Variants in CLVS1 observed in about 807,000 individuals in gnomAD.
CLVS1 encodes clavesin-1.
CLVS1 carries 10 observed loss-of-function variants against 33.1 expected under a neutral mutation model. The ratio of observed to expected loss-of-function variants is 0.30; its 90% CI spans 0.19 to 0.51. CLVS1 has a LOEUF of 0.51. Ranked by LOEUF, CLVS1 falls within the 20% of genes least tolerant of loss-of-function variation. The pLI, the probability that CLVS1 is intolerant of heterozygous loss-of-function variation, is 0.97. For synonymous variants in CLVS1, 163 were observed against 166.1 expected, an observed-to-expected ratio of 0.98 and a Z score of 0.14; for missense variants, 343 against 433.4, an observed-to-expected ratio of 0.79 and a Z score of 1.85.
chr8:61,275,712 A>G lies in CLVS1; in HGVS notation c.-151-23965A>G, dbSNP rs192225179. On this transcript the variant is annotated intron_variant, in intron 2 of 2. Transcript: ENST00000522621. ...TTTCGCGCAATGAAGAAAACAACCA[A>G]TAAAAACCAATTTGATTATAGCATT... 2.8e-4 allele frequency among the ~76,000 whole-genome samples: 43 copies of G among 152,308 alleles called. No homozygotes were observed. The East Asian group carries it at 3.3e-3, about 12-fold the overall frequency.
chr8:61,156,441 C>CTG (rs1238329075), intron 2 of CLVS1, among the ~76,000 whole-genome samples: 1 of 151,964 alleles, frequency 6.6e-6, no homozygotes, highest in Non-Finnish European at 1.5e-5. Flanking sequence ...TTCTATTAGT[C>CTG]TGTCTTTTGT....
Position 61,172,312 on chromosome 8 carries a change from G to A in CLVS1, c.-152+40452G>A, listed in dbSNP as rs1031784436. On this transcript the variant is annotated intron_variant, in intron 2 of 2. Transcript: ENST00000522621. ...CATCAAAAGAAGACTTTATTTGGGG[G>A]AAAGGTCCTTAGTTTGGTGTTGAAT... Among the ~76,000 whole-genome samples, 5 of 152,116 alleles carry A rather than the reference G, an allele frequency of 3.3e-5. No individual in the cohort carries two copies. In the South Asian group the frequency reaches 8.3e-4, roughly 25 times the overall value.
intron 2 of CLVS1, among the ~76,000 whole-genome samples, chr8:61,241,246 C>A (rs1244340070): frequency 6.6e-6 from 1 of 152,104 alleles, no homozygotes; most frequent in African/African-American, 2.4e-5. Context: ...ATTATGAATT[C>A]TTATGAATGA....
intron 2 of CLVS1, among the ~76,000 whole-genome samples, chr8:61,237,318 C>T (rs937562745): frequency 5.9e-5 from 9 of 152,060 alleles, no homozygotes; most frequent in African/African-American, 1.2e-4. Context: ...CATGGTGGTA[C>T]GTACCTGTAG....
rs541600219 is a variant in CLVS1, at chr8:61,462,461, T to A, written c.977+3919T>A. Among the ~76,000 whole-genome samples the A allele has an allele frequency of 4.5e-4, 68 of 152,322 alleles. 1 individual carries two copies. The highest frequency in any genetic ancestry group is 1.5e-3 in the African/African-American group (61 of 41,568). On this transcript the variant is annotated intron_variant, in intron 5 of 5. Transcript: ENST00000325897. ...GTGCAATGGCATGATCTCATCTCAC[T>A]GCAACCTCTGCCTCCCACGTTCAAG...
chr8:61,311,280 T>C (rs1810823304), intron 2 of CLVS1, among the ~76,000 whole-genome samples: 1 of 152,240 alleles, frequency 6.6e-6, no homozygotes, highest in Non-Finnish European at 1.5e-5. Flanking sequence ...GCCATGTGTG[T>C]CAACCAAATA....
At chr8:61,387,744 C>G (rs557709579) in intron 3 of CLVS1, among the ~76,000 whole-genome samples, 7 of 152,252 alleles carry the variant, frequency 4.6e-5, no homozygotes, top group African/African-American at 1.7e-4. Flanking sequence ...GCTTTCCATT[C>G]CTGAGTTAGT....
At chr8:61,051,052 G>A in the CLVS1 span, among the ~76,000 whole-genome samples, 1 of 152,138 alleles carries the variant, frequency 6.6e-6, no homozygotes, top group African/African-American at 2.4e-5. Context: ...AAGAGCAAGG[G>A]GTGAAATAAA....
the CLVS1 span, among the ~76,000 whole-genome samples, chr8:61,018,489 G>A: frequency 6.6e-6 from 1 of 152,210 alleles, no homozygotes; most frequent in Non-Finnish European, 1.5e-5. Context: ...GGATGGCAGA[G>A]GGAACAGTGT....
intron 4 of CLVS1, among the ~76,000 whole-genome samples, chr8:61,458,025 A>G (rs1200168664): frequency 6.6e-6 from 1 of 152,252 alleles, no homozygotes; most frequent in Non-Finnish European, 1.5e-5. Flanking sequence ...ACCAGCAGGG[A>G]TAATTAGGAG....
intron 2 of CLVS1, among the ~76,000 whole-genome samples, chr8:61,150,120 G>T (rs1563421702): frequency 1.3e-5 from 2 of 151,964 alleles, no homozygotes; most frequent in African/African-American, 4.8e-5. Flanking sequence ...GTGTGTGTGT[G>T]TGTGTGTGAC....
intron 1 of CLVS1, among the ~76,000 whole-genome samples, chr8:61,127,082 C>T (rs112736992): frequency 9.0e-4 from 137 of 152,206 alleles, no homozygotes; most frequent in African/African-American, 2.8e-3. Flanking sequence ...AACCAAAAAG[C>T]GTGAGTTAGT....
At chr8:61,463,903 C>T (rs993108220) in intron 5 of CLVS1, among the ~76,000 whole-genome samples, 1 of 151,554 alleles carries the variant, frequency 6.6e-6, no homozygotes, top group Non-Finnish European at 1.5e-5. Context: ...CCCGTATCTA[C>T]TAAAAAAATA....
chr8:61,192,133 A>G (rs2129302907), intron 2 of CLVS1, among the ~76,000 whole-genome samples: 1 of 152,352 alleles, frequency 6.6e-6, no homozygotes, highest in East Asian at 1.9e-4. Flanking sequence ...ACTATACTAC[A>G]AGGCTACAGT....
At chr8:61,238,810 A>T (rs1330855115) in intron 2 of CLVS1, among the ~76,000 whole-genome samples, 2 of 152,232 alleles carry the variant, frequency 1.3e-5, no homozygotes, top group Non-Finnish European at 2.9e-5. Flanking sequence ...GGAGCTATTG[A>T]GGTAGTTTCT....
the CLVS1 span, among the ~76,000 whole-genome samples, chr8:60,976,900 G>T: frequency 3.3e-5 from 5 of 152,322 alleles, no homozygotes; most frequent in Non-Finnish European, 5.9e-5. Context: ...GCTTTTGATT[G>T]TGGAGGGGCT....
intron 2 of CLVS1, among the ~76,000 whole-genome samples, chr8:61,132,515 C>G (rs1029171170): frequency 1.3e-5 from 2 of 152,156 alleles, no homozygotes; most frequent in African/African-American, 4.8e-5. Context: ...AGATACCTGC[C>G]CCCAAGAAGC....
chr8:61,309,867 T>A (rs1810774099), intron 2 of CLVS1, among the ~76,000 whole-genome samples: 1 of 152,208 alleles, frequency 6.6e-6, no homozygotes, highest in African/African-American at 2.4e-5. Context: ...CTTCAAACTA[T>A]AAATAAGCCC....
chr8:61,439,694 A>G (rs1231018498), intron 3 of CLVS1, among the ~76,000 whole-genome samples: 6 of 152,214 alleles, frequency 3.9e-5, no homozygotes, highest in African/African-American at 1.4e-4. Flanking sequence ...ATGTTCTTTA[A>G]ATGTATAGTC....
Sources: allele counts gnomAD v4.1 joint callset (sites outside exome capture counted in the v4.1 genomes callset), GRCh38; gene constraint gnomAD v4.1.1; transcripts MANE v1.5; gene names NCBI Gene and HGNC (gene_info 2026-07-23, HGNC 2026-07-21).